SLC4A10: variants seen among roughly 807,000 people sequenced by gnomAD.
The protein encoded by SLC4A10 is sodium-driven chloride bicarbonate exchanger.
In SLC4A10, 42 loss-of-function variants were observed where a neutral mutation model predicts 137.7. The observed-to-expected ratio is 0.30, with a 90% confidence interval of 0.24 to 0.39. The LOEUF is 0.39. SLC4A10 is among the 10% of genes least tolerant of loss of function. The probability of loss-of-function intolerance (pLI) is 1.00; values close to 1 mark genes in which losing one functional copy is unlikely to be tolerated. For missense variants in SLC4A10, 925 were observed against 1,355.0 expected, an observed-to-expected ratio of 0.68 and a Z score of 4.98; for synonymous variants, 474 against 464.1, an observed-to-expected ratio of 1.02 and a Z score of -0.27.
Position 161,965,157 on chromosome 2 carries a change from A to T in SLC4A10, c.3143A>T (p.Glu1048Val). 6.2e-7 allele frequency: 1 copy of T among 1,610,058 alleles called. No homozygotes were observed. Among genetic ancestry groups the T allele is most frequent in the Non-Finnish European group, 8.5e-7 (1 of 1,177,622 alleles). Residue 1048 changes from glutamate (E) to valine (V), a missense_variant, in exon 23 of 27, where the codon GAA (glutamate) becomes GTA (valine). Transcript: ENST00000446997. ...LMPESKKKKLEDAEKEEEQSM... is the reference protein window; with the variant it reads ...LMPESKKKKLVDAEKEEEQSM... ...CCCGAGAGTAAGAAAAAGAAACTGG[A>T]AGATGCTGAAAAAGAAGTAAGAGCA...
chr2:161,695,799 C>G (rs939617235), intron 1 of SLC4A10, among the ~76,000 whole-genome samples: 31 of 152,136 alleles, frequency 2.0e-4, no homozygotes, highest in African/African-American at 6.8e-4. Context: ...AGGCTAATTC[C>G]TGCATTCTAC....
At chr2:161,980,988 T>C (rs1288512282) in intron 26 of SLC4A10, among the ~76,000 whole-genome samples, 3 of 152,218 alleles carry the variant, frequency 2.0e-5, no homozygotes, top group Non-Finnish European at 4.4e-5. Flanking sequence ...GGTCTTGAGC[T>C]GGTTATAAAA....
intron 1 of SLC4A10, among the ~76,000 whole-genome samples, chr2:161,739,289 C>G (rs1216661982): frequency 1.3e-5 from 2 of 152,156 alleles, no homozygotes; most frequent in African/African-American, 4.8e-5. Context: ...AATCCCACTC[C>G]TGTTGAGTGT....
At chr2:161,698,339 CTA>C (rs1348735791) in intron 1 of SLC4A10, among the ~76,000 whole-genome samples, 24 of 152,298 alleles carry the variant, frequency 1.6e-4, no homozygotes, top group African/African-American at 5.3e-4. Flanking sequence ...GCTTCCAACA[CTA>C]TGTTGAATAG....
intron 2 of SLC4A10, among the ~76,000 whole-genome samples, chr2:161,775,332 C>T (rs1559222215): frequency 6.6e-6 from 1 of 151,746 alleles, no homozygotes; most frequent in East Asian, 1.9e-4. Flanking sequence ...AAAGGAGTAC[C>T]AGGGGTAGTT....
intron 1 of SLC4A10, among the ~76,000 whole-genome samples, chr2:161,740,545 GC>G (rs1432467142): frequency 6.6e-6 from 1 of 152,106 alleles, no homozygotes; most frequent in African/African-American, 2.4e-5. Flanking sequence ...GGTATTAAAT[GC>G]CCCTCAAATG....
intron 21 of SLC4A10, among the ~76,000 whole-genome samples, chr2:161,959,398 G>A (rs1004373120): frequency 9.2e-5 from 14 of 152,188 alleles, no homozygotes; most frequent in African/African-American, 3.4e-4. Flanking sequence ...CACTGTCAGG[G>A]TGTGGACAAG....
intron 15 of SLC4A10, among the ~76,000 whole-genome samples, chr2:161,911,093 A>T (rs1243670871): frequency 6.6e-6 from 1 of 152,010 alleles, no homozygotes; most frequent in Non-Finnish European, 1.5e-5. Flanking sequence ...GATAATGGTA[A>T]GTTAAGTATA....
chr2:161,757,814 T>A (rs1353101202), intron 1 of SLC4A10, among the ~76,000 whole-genome samples: 1 of 152,110 alleles, frequency 6.6e-6, no homozygotes, highest in African/African-American at 2.4e-5. Context: ...GTAGAGGAGA[T>A]CAGGTTAATT....
At chr2:161,744,433 T>C (rs1043518880) in intron 1 of SLC4A10, among the ~76,000 whole-genome samples, 4 of 152,322 alleles carry the variant, frequency 2.6e-5, no homozygotes, top group Admixed American at 6.5e-5. Context: ...ATGTATCACA[T>C]TGATCAATTT....
intron 15 of SLC4A10, among the ~76,000 whole-genome samples, chr2:161,917,221 A>G (rs1687279617): frequency 6.6e-6 from 1 of 152,168 alleles, no homozygotes. Context: ...CTTGCCAGGT[A>G]GTGTTCTACT....
intron 15 of SLC4A10, among the ~76,000 whole-genome samples, chr2:161,912,012 T>C (rs1685973901): frequency 6.6e-6 from 1 of 152,114 alleles, no homozygotes; most frequent in Non-Finnish European, 1.5e-5. Context: ...TAAAGTCTCG[T>C]TTCCAGTAGC....
intron 1 of SLC4A10, among the ~76,000 whole-genome samples, chr2:161,687,051 T>A (rs1559030095): frequency 6.6e-6 from 1 of 152,138 alleles, no homozygotes; most frequent in Non-Finnish European, 1.5e-5. Context: ...CCAGCAAATT[T>A]TTTTTATTTT....
chr2:161,878,128 C>T (rs1315481161), intron 8 of SLC4A10, among the ~76,000 whole-genome samples: 1 of 152,102 alleles, frequency 6.6e-6, no homozygotes, highest in Non-Finnish European at 1.5e-5. Flanking sequence ...AAAAAATCTT[C>T]TCAGCCCCAC....
chr2:161,785,713 A>G (rs2053548578), intron 2 of SLC4A10, among the ~76,000 whole-genome samples: 2 of 151,882 alleles, frequency 1.3e-5, no homozygotes, highest in African/African-American at 4.8e-5. Flanking sequence ...GCCATATATG[A>G]CAATCCTACA....
At chr2:161,914,129 C>G (rs1275957678) in intron 15 of SLC4A10, among the ~76,000 whole-genome samples, 1 of 152,060 alleles carries the variant, frequency 6.6e-6, no homozygotes, top group Non-Finnish European at 1.5e-5. Flanking sequence ...ATAGACCTAG[C>G]CAAATTTGGT....
chr2:161,695,083 A>G (rs2042357121), intron 1 of SLC4A10, among the ~76,000 whole-genome samples: 1 of 152,030 alleles, frequency 6.6e-6, no homozygotes, highest in East Asian at 1.9e-4. Context: ...TTTTCCTCCA[A>G]AGATATTTGG....
chr2:161,918,532 G>A (rs1051481153), intron 15 of SLC4A10, among the ~76,000 whole-genome samples: 1 of 152,146 alleles, frequency 6.6e-6, no homozygotes, highest in African/African-American at 2.4e-5. Flanking sequence ...ATAATATTAT[G>A]TGTATGAGGT....
chr2:161,766,182 T>C (rs1414831000), intron 1 of SLC4A10, among the ~76,000 whole-genome samples: 3 of 152,102 alleles, frequency 2.0e-5, no homozygotes, highest in Non-Finnish European at 4.4e-5. Flanking sequence ...TTCTTTCAAA[T>C]AAACATTACA....
Sources: allele counts gnomAD v4.1 joint callset (sites outside exome capture counted in the v4.1 genomes callset), GRCh38; gene constraint gnomAD v4.1.1; transcripts MANE v1.5; gene names NCBI Gene and HGNC (gene_info 2026-07-23, HGNC 2026-07-21).